Variants in MPZL1 observed in about 807,000 individuals in gnomAD.
MPZL1 encodes myelin protein zero like 1.
In MPZL1, 16 loss-of-function variants were observed where a neutral mutation model predicts 29.3. The ratio of observed to expected loss-of-function variants is 0.55; its 90% CI spans 0.37 to 0.83. The LOEUF (loss-of-function observed/expected upper bound fraction) is 0.83, where lower values mean the gene tolerates loss of function less well. MPZL1 is among the 40% of genes least tolerant of loss of function. The pLI is 0.00. For synonymous variants in MPZL1, 143 were observed against 132.0 expected, an observed-to-expected ratio of 1.08 and a Z score of -0.57; for missense variants, 279 against 332.9, an observed-to-expected ratio of 0.84 and a Z score of 1.26.
rs949508290 is a variant in MPZL1, at chr1:167,783,122, T to C, written c.709-4698T>C. The stretch of plus-strand genomic sequence containing the variant: ...CATTTTGAGTCATTGCTGATTGTTC[T>C]GGCTTCCAGCATTGTGGCTTAGAAG... On this transcript the variant is annotated intron_variant, in intron 5 of 5. Coordinates refer to ENST00000359523, the MANE Select transcript of MPZL1 (RefSeq NM_003953.6). Among the ~76,000 whole-genome samples the C allele has an allele frequency of 6.6e-4, 100 of 152,232 alleles. 1 individual carries two copies. The highest frequency in any genetic ancestry group is 3.3e-4 in the Admixed American group (5 of 15,288).
At chr1:167,786,494 C>T (rs1304838384) in intron 5 of MPZL1, among the ~76,000 whole-genome samples, 3 of 152,180 alleles carry the variant, frequency 2.0e-5, no homozygotes, top group Non-Finnish European at 4.4e-5. Context: ...CCCAGGGCCA[C>T]GTGACCAGTG....
At chr1:167,735,673 G>A (rs904757319) in intron 1 of MPZL1, among the ~76,000 whole-genome samples, 4 of 152,178 alleles carry the variant, frequency 2.6e-5, no homozygotes, top group Admixed American at 2.6e-4. Context: ...TGCAATTCAA[G>A]TCCAAAGGCG....
At chr1:167,750,130 A>G (rs888770188) in intron 1 of MPZL1, among the ~76,000 whole-genome samples, 1 of 152,238 alleles carries the variant, frequency 6.6e-6, no homozygotes, top group African/African-American at 2.4e-5. Context: ...AGAAAGTTTC[A>G]GATAGAACAC....
intron 1 of MPZL1, among the ~76,000 whole-genome samples, chr1:167,727,823 T>G (rs529243001): frequency 1.3e-5 from 2 of 152,224 alleles, no homozygotes; most frequent in South Asian, 4.1e-4. Flanking sequence ...TCTTTATATC[T>G]TTGCCTTTAA....
chr1:167,722,074 C>G lies in MPZL1; in HGVS notation c.-78C>G. ...GTGGCGGAGAGATCAGAAGCCTCTTCCCCAAGCCGAGCCAACCTCAGCGGG... is the reference window on the plus strand; with the variant it reads ...GTGGCGGAGAGATCAGAAGCCTCTTGCCCAAGCCGAGCCAACCTCAGCGGG... On this transcript the variant is annotated 5_prime_UTR_variant, in exon 1 of 6. Transcript: ENST00000359523. 8.1e-7 allele frequency: 1 copy of G among 1,230,552 alleles called. No individual in the cohort carries two copies. Among genetic ancestry groups the G allele is most frequent in the Non-Finnish European group, 1.0e-6 (1 of 986,932 alleles). The allele number at this position is 1,230,552 out of a possible 1,614,324, so 76.2% of individuals were successfully genotyped here. A position where few individuals can be genotyped will look rare whatever the true frequency, so the allele number is the denominator to read the frequency against.
intron 1 of MPZL1, among the ~76,000 whole-genome samples, chr1:167,763,852 G>A (rs559834671): frequency 2.0e-5 from 3 of 151,912 alleles, no homozygotes; most frequent in South Asian, 4.2e-4. Flanking sequence ...ACCCTCTTTC[G>A]CAGAAAAAAA....
chr1:167,783,574 C>T (rs1052836281), intron 5 of MPZL1, among the ~76,000 whole-genome samples: 3 of 152,206 alleles, frequency 2.0e-5, no homozygotes, highest in Admixed American at 6.5e-5. Flanking sequence ...TAGTTATGTG[C>T]GTTTTTCCTT....
At chr1:167,761,844 G>A (rs1660994858) in intron 1 of MPZL1, among the ~76,000 whole-genome samples, 2 of 152,180 alleles carry the variant, frequency 1.3e-5, no homozygotes, top group South Asian at 4.1e-4. Context: ...CCAGGTGAAG[G>A]CCCTGAAGGG....
intron 2 of MPZL1, among the ~76,000 whole-genome samples, chr1:167,769,126 GA>G (rs1661187165): frequency 6.6e-6 from 1 of 152,198 alleles, no homozygotes; most frequent in Non-Finnish European, 1.5e-5. Flanking sequence ...CCCTATTTAT[GA>G]AATATCAGGT....
chr1:167,759,480 T>C (rs1660936087), intron 1 of MPZL1, among the ~76,000 whole-genome samples: 1 of 152,208 alleles, frequency 6.6e-6, no homozygotes, highest in Non-Finnish European at 1.5e-5. Context: ...GAATACAGCC[T>C]GAGAGGGAAA....
intron 1 of MPZL1, among the ~76,000 whole-genome samples, chr1:167,729,217 C>A (rs2101746452): frequency 6.6e-6 from 1 of 151,404 alleles, no homozygotes; most frequent in Non-Finnish European, 1.5e-5. Context: ...TTGCAGTGAG[C>A]TGAGATCGTG....
chr1:167,787,005 A>C (rs1661606354), intron 5 of MPZL1: 1 of 152,140 alleles, frequency 6.6e-6, no homozygotes, highest in South Asian at 2.1e-4. Flanking sequence ...CCCCCAGGCC[A>C]CCCAACCTTC....
chr1:167,753,981 A>C (rs2051658), intron 1 of MPZL1, among the ~76,000 whole-genome samples: 6 of 151,200 alleles, frequency 4.0e-5, no homozygotes, highest in Non-Finnish European at 8.8e-5. Context: ...TCTCTTCATT[A>C]GATTCTAGCA....
rs117764799 is a variant in MPZL1, at chr1:167,769,449, C to T, written c.259-2826C>T. On this transcript the variant is annotated intron_variant, in intron 2 of 5. Coordinates refer to ENST00000359523, the MANE Select transcript of MPZL1 (RefSeq NM_003953.6). ...TTGGGGTTCCTCGGCTGTGATGCAA[C>T]GCCTCTGCCTGCACAACATCCATGT... 3.9e-4 allele frequency among the ~76,000 whole-genome samples: 59 copies of T among 152,252 alleles called. 1 individual carries two copies. In the East Asian group the frequency reaches 8.3e-3, roughly 21 times the overall value.
chr1:167,783,456 A>T (rs527555829), intron 5 of MPZL1, among the ~76,000 whole-genome samples: 1 of 152,362 alleles, frequency 6.6e-6, no homozygotes, highest in South Asian at 2.1e-4. Context: ...GATGCTCTGT[A>T]TGCAAAAGGT....
chr1:167,765,890 TGCTTCAGGATAAAATAAGTTCA>T (rs1408899046), intron 2 of MPZL1, 141 bp downstream of exon 2: 1 of 699,934 alleles, frequency 1.4e-6, no homozygotes, highest in Non-Finnish European at 2.1e-6. Context: ...GCCCTTCTTT[TGCTTCAGGATAAAATAAGTTCA>T]GCATCTCTTA....
intron 4 of MPZL1, chr1:167,773,795 T>C (rs565393240): frequency 6.5e-6 from 1 of 153,248 alleles, no homozygotes; most frequent in Middle Eastern, 3.4e-3. Context: ...ATTAGTGGCA[T>C]GTGCCTGTAA....
intron 1 of MPZL1, among the ~76,000 whole-genome samples, chr1:167,736,231 A>G (rs2101752400): frequency 6.6e-6 from 1 of 152,256 alleles, no homozygotes; most frequent in East Asian, 1.9e-4. Flanking sequence ...TTCTGCTCTC[A>G]GCCCTTTGCT....
chr1:167,783,564 T>C (rs1315059980), intron 5 of MPZL1, among the ~76,000 whole-genome samples: 4 of 152,190 alleles, frequency 2.6e-5, no homozygotes. Context: ...TTTCAAGAAG[T>C]AGTTATGTGC....
Sources: gnomAD v4.1 joint callset for allele counts (sites outside exome capture counted in the v4.1 genomes callset) on GRCh38, gnomAD v4.1.1 for gene constraint, MANE v1.5 for transcripts, NCBI Gene and HGNC (gene_info 2026-07-23, HGNC 2026-07-21) for gene names.